SGIP1: variants seen among roughly 807,000 people sequenced by gnomAD.
SGIP1 encodes SH3-containing GRB2-like protein 3-interacting protein 1.
SGIP1 carries 38 observed loss-of-function variants against 107.5 expected under a neutral mutation model. The observed-to-expected ratio is 0.35, with a 90% CI of 0.27 to 0.46. The LOEUF (loss-of-function observed/expected upper bound fraction) is 0.46, where lower values mean the gene tolerates loss of function less well. SGIP1 is among the 20% of genes least tolerant of loss of function. The pLI is 1.00. For synonymous variants in SGIP1, 365 were observed against 366.1 expected (o/e 1.00, Z 0.03); for missense variants, 929 against 1,019.5 (o/e 0.91, Z 1.21).
At position 66,745,332 on chromosome 1, in the gene SGIP1, A is replaced by G. The variant is rs1398458378; in HGVS notation, c.*2237A>G. On this transcript the variant is annotated 3_prime_UTR_variant, in exon 25 of 25. Coordinates refer to ENST00000371037, the MANE Select transcript of SGIP1 (RefSeq NM_032291.4). ...TCTTTATGGAACAGAATGGGAGTCAACAATTTCAAAATGATTGAACTATGA... is the reference window on the plus strand; with the variant it reads ...TCTTTATGGAACAGAATGGGAGTCAGCAATTTCAAAATGATTGAACTATGA... 2 of 152,074 alleles carry G rather than the reference A, an allele frequency of 1.3e-5. No homozygotes were observed. The highest frequency in any genetic ancestry group is 3.8e-4 in the East Asian group (2 of 5,204). The allele number at this position is 152,074 out of a possible 1,614,324, so 9.4% of individuals were successfully genotyped here. A position where few individuals can be genotyped will look rare whatever the true frequency, so the allele number is the denominator to read the frequency against.
intron 2 of SGIP1, among the ~76,000 whole-genome samples, chr1:66,632,193 G>T (rs2074906292): frequency 6.6e-6 from 1 of 152,186 alleles, no homozygotes; most frequent in Non-Finnish European, 1.5e-5. Flanking sequence ...GGCTTAGAGA[G>T]GTTAAGTGTT....
At chr1:66,570,607 T>C (rs540100444) in intron 1 of SGIP1, among the ~76,000 whole-genome samples, 1 of 152,058 alleles carries the variant, frequency 6.6e-6, no homozygotes, top group African/African-American at 2.4e-5. Flanking sequence ...CATCAAATCA[T>C]TCATTATATA....
intron 1 of SGIP1, among the ~76,000 whole-genome samples, chr1:66,610,907 C>T (rs2067865361): frequency 6.6e-6 from 1 of 151,972 alleles, no homozygotes; most frequent in South Asian, 2.1e-4. Flanking sequence ...ATTGTATGCT[C>T]TCACTCATAA....
At chr1:66,593,773 A>G (rs1025740428) in intron 1 of SGIP1, among the ~76,000 whole-genome samples, 4 of 152,168 alleles carry the variant, frequency 2.6e-5, no homozygotes, top group Non-Finnish European at 5.9e-5. Flanking sequence ...TGTCACCAAA[A>G]AAGATATAAA....
chr1:66,564,040 T>A (rs1221712754), intron 1 of SGIP1, among the ~76,000 whole-genome samples: 1 of 151,928 alleles, frequency 6.6e-6, no homozygotes, highest in Non-Finnish European at 1.5e-5. Context: ...TAAACCAAAT[T>A]AAAGTCAACA....
intron 1 of SGIP1, among the ~76,000 whole-genome samples, chr1:66,624,874 A>G (rs1225086088): frequency 6.6e-6 from 1 of 152,324 alleles, no homozygotes. Flanking sequence ...GGGAAACACA[A>G]ACAGCCTTGA....
chr1:66,600,769 A>G (rs1558030567), intron 1 of SGIP1, among the ~76,000 whole-genome samples: 1 of 152,236 alleles, frequency 6.6e-6, no homozygotes, highest in African/African-American at 2.4e-5. Flanking sequence ...GGGTTTTACC[A>G]GAAAATGTGC....
At chr1:66,641,277 T>G (rs1458111798) in intron 5 of SGIP1, among the ~76,000 whole-genome samples, 1 of 152,214 alleles carries the variant, frequency 6.6e-6, no homozygotes, top group South Asian at 2.1e-4. Context: ...CATTTTGCTA[T>G]GTATATGCAT....
At chr1:66,722,150 C>T (rs780647496) in intron 19 of SGIP1, among the ~76,000 whole-genome samples, 27 of 152,246 alleles carry the variant, frequency 1.8e-4, no homozygotes, top group Non-Finnish European at 2.2e-4. Flanking sequence ...CTTCCATCAC[C>T]CCAACCCACC....
Position 66,683,700 on chromosome 1 carries a change from CTTTTTTTTTT to C in SGIP1, c.1315+1350_1315+1359del, listed in dbSNP as rs869266510. On this transcript the variant is annotated intron_variant, in intron 15 of 24. Coordinates refer to ENST00000371037, the MANE Select transcript of SGIP1 (RefSeq NM_032291.4). Reference sequence around the variant, plus strand: ...ACCACACTGTTTGTTTGTTTCTTTTCTTTTTTTTTTTTTTTTTTTTTTTTTTTTGACAAGG... The same window carrying C: ...ACCACACTGTTTGTTTGTTTCTTTTCTTTTTTTTTTTTTTTTTTGACAAGG... Among the ~76,000 whole-genome samples, 31 of 61,398 alleles carry C rather than the reference CTTTTTTTTTT, an allele frequency of 5.0e-4. No homozygotes were observed. The Admixed American group carries it at 5.3e-3, about 10-fold the overall frequency. The allele number at this position is 61,398 out of a possible 152,430, so 40.3% of individuals were successfully genotyped here.
chr1:66,660,847 C>A (rs1349255489), intron 8 of SGIP1, among the ~76,000 whole-genome samples: 2 of 152,160 alleles, frequency 1.3e-5, no homozygotes, highest in East Asian at 3.8e-4. Context: ...ATTAGTCAAG[C>A]TACTTATACA....
At chr1:66,741,206 A>C in intron 23 of SGIP1, 66 bp from the exon 24 acceptor site, 2 of 1,459,040 alleles carry the variant, frequency 1.4e-6, no homozygotes, top group South Asian at 1.5e-5. Context: ...TTTTGAATGC[A>C]ACCTCCAAAA....
intron 1 of SGIP1, among the ~76,000 whole-genome samples, chr1:66,584,684 A>T (rs2062324778): frequency 6.6e-6 from 1 of 152,146 alleles, no homozygotes; most frequent in Admixed American, 6.6e-5. Flanking sequence ...CTTGACAGTA[A>T]TTTTAACAGG....
chr1:66,706,038 T>A (rs2092475301), intron 18 of SGIP1, among the ~76,000 whole-genome samples: 1 of 151,906 alleles, frequency 6.6e-6, no homozygotes, highest in Admixed American at 6.6e-5. Flanking sequence ...AGAGTAAAAT[T>A]TAAAAATAAA....
intron 1 of SGIP1, among the ~76,000 whole-genome samples, chr1:66,613,119 T>C (rs2068385647): frequency 6.6e-6 from 1 of 152,234 alleles, no homozygotes; most frequent in Admixed American, 6.5e-5. Context: ...TTTTGTCTTT[T>C]GGTGTTGTAG....
chr1:66,717,621 A>G (rs1397966544), intron 18 of SGIP1, among the ~76,000 whole-genome samples: 1 of 152,100 alleles, frequency 6.6e-6, no homozygotes, highest in Non-Finnish European at 1.5e-5. Flanking sequence ...TGGTACTATA[A>G]TTGCCTACTA....
At chr1:66,715,159 T>C (rs567603383) in intron 18 of SGIP1, among the ~76,000 whole-genome samples, 2 of 152,268 alleles carry the variant, frequency 1.3e-5, no homozygotes, top group South Asian at 4.1e-4. Flanking sequence ...TGGATTTAGA[T>C]TGCTATCTAG....
intron 7 of SGIP1, 108 bp from the exon 8 acceptor site, chr1:66,660,398 CTTCGAGA>C: frequency 1.0e-6 from 1 of 952,486 alleles, no homozygotes; most frequent in Admixed American, 1.8e-5. Flanking sequence ...AAAGCAGTGC[CTTCGAGA>C]GCTCCCTTAA....
At chr1:66,742,602 T>C (rs2094491391) in intron 24 of SGIP1, among the ~76,000 whole-genome samples, 1 of 149,880 alleles carries the variant, frequency 6.7e-6, no homozygotes, top group African/African-American at 2.5e-5. Context: ...CCTGAGTAGC[T>C]GGGACTACAG....
Sources: gnomAD v4.1 joint callset for allele counts (sites outside exome capture counted in the v4.1 genomes callset) on GRCh38, gnomAD v4.1.1 for gene constraint, MANE v1.5 for transcripts, NCBI Gene and HGNC (gene_info 2026-07-23, HGNC 2026-07-21) for gene names.